RALYL: variants seen among roughly 807,000 people sequenced by gnomAD.
RALYL encodes the protein RALY RNA binding protein like.
Under a neutral mutation model 35.1 loss-of-function variants are expected in RALYL, and 29 were observed. The ratio of observed to expected loss-of-function variants is 0.83; its 90% CI spans 0.61 to 1.13. RALYL has a LOEUF of 1.13. Among genes scored for constraint, RALYL ranks in the 50% most tolerant of loss-of-function variants. RALYL has a pLI of 0.00. For synonymous variants in RALYL, 120 were observed against 127.6 expected, an observed-to-expected ratio of 0.94 and a Z score of 0.40; for missense variants, 359 against 360.4, an observed-to-expected ratio of 1.00 and a Z score of 0.03.
chr8:84,713,089 TG>T (rs1243229980), intron 2 of RALYL, among the ~76,000 whole-genome samples: 2 of 152,138 alleles, frequency 1.3e-5, no homozygotes, highest in East Asian at 3.8e-4. Flanking sequence ...GTTTCATACT[TG>T]TAGGTCTCAT....
intron 1 of RALYL, among the ~76,000 whole-genome samples, chr8:84,242,541 T>C (rs530637038): frequency 1.6e-4 from 25 of 152,318 alleles, no homozygotes; most frequent in African/African-American, 5.0e-4. Flanking sequence ...TCATTCTGAC[T>C]GCTGTGAGAT....
chr8:84,631,100 C>A (rs1823817916), intron 2 of RALYL, among the ~76,000 whole-genome samples: 2 of 151,888 alleles, frequency 1.3e-5, no homozygotes, highest in Non-Finnish European at 2.9e-5. Flanking sequence ...AGTCCCAAAC[C>A]CTATTTCATG....
chr8:84,645,094 A>C (rs1378963033), intron 2 of RALYL, among the ~76,000 whole-genome samples: 1 of 152,030 alleles, frequency 6.6e-6, no homozygotes, highest in Non-Finnish European at 1.5e-5. Flanking sequence ...TTTGCTTTAT[A>C]AGCCAAATTG....
At chr8:84,699,443 G>C (rs1418653467) in intron 2 of RALYL, among the ~76,000 whole-genome samples, 1 of 152,068 alleles carries the variant, frequency 6.6e-6, no homozygotes, top group Non-Finnish European at 1.5e-5. Flanking sequence ...CTAAAGGCTG[G>C]GAAATCTAAG....
intron 2 of RALYL, among the ~76,000 whole-genome samples, chr8:84,621,338 G>C (rs141565979): frequency 1.3e-5 from 2 of 152,134 alleles, no homozygotes; most frequent in Admixed American, 6.5e-5. Context: ...CGCAGTATTC[G>C]GGTGGGAGCC....
chr8:84,438,352 G>A (rs2047960386), intron 1 of RALYL, among the ~76,000 whole-genome samples: 1 of 151,384 alleles, frequency 6.6e-6, no homozygotes. Context: ...CCAGGATTGT[G>A]TTTTCTAGGT....
chr8:84,742,043 A>G (rs903281729), intron 2 of RALYL, among the ~76,000 whole-genome samples: 1 of 151,936 alleles, frequency 6.6e-6, no homozygotes, highest in Non-Finnish European at 1.5e-5. Flanking sequence ...GATACAAAAG[A>G]AAAGTTTGTG....
At chr8:84,366,329 GA>G (rs1563797939) in intron 1 of RALYL, among the ~76,000 whole-genome samples, 1 of 152,154 alleles carries the variant, frequency 6.6e-6, no homozygotes, top group Non-Finnish European at 1.5e-5. Flanking sequence ...GCAAAACAAA[GA>G]TTGAGAAATG....
At chr8:84,184,962 G>C (rs748830884) in intron 1 of RALYL, 37 of 1,613,296 alleles carry the variant, frequency 2.3e-5, no homozygotes, top group Non-Finnish European at 3.1e-5. Flanking sequence ...GATGGCACCG[G>C]CCCTCGCACG....
intron 1 of RALYL, among the ~76,000 whole-genome samples, chr8:84,512,467 C>T (rs2057703451): frequency 6.6e-6 from 1 of 151,928 alleles, no homozygotes; most frequent in Non-Finnish European, 1.5e-5. Context: ...CAGATTTTAT[C>T]CCATTCAACA....
At chr8:84,443,303 A>C (rs955902401) in intron 1 of RALYL, among the ~76,000 whole-genome samples, 1 of 152,074 alleles carries the variant, frequency 6.6e-6, no homozygotes, top group East Asian at 1.9e-4. Flanking sequence ...TACCTCTGTA[A>C]CTGTTTGGAT....
intron 4 of RALYL, among the ~76,000 whole-genome samples, chr8:84,806,565 C>CAAAAAAAAAAAAAAAAAAAAAAAAAA (rs534568702): frequency 1.0e-5 from 1 of 95,732 alleles, no homozygotes. Flanking sequence ...AAAATCTCTC[C>CAAAAAAAAAAAAAAAAAAAAAAAAAA]AAAAAAAAAA....
intron 1 of RALYL, among the ~76,000 whole-genome samples, chr8:84,390,156 A>G (rs1043904105): frequency 1.4e-4 from 22 of 152,046 alleles, no homozygotes; most frequent in Non-Finnish European, 4.4e-5. Flanking sequence ...ATTGATTTGC[A>G]TATATTGAAC....
chr8:84,505,108 A>G (rs1461098242), intron 1 of RALYL, among the ~76,000 whole-genome samples: 2 of 152,114 alleles, frequency 1.3e-5, no homozygotes. Flanking sequence ...GTCAGATGCC[A>G]TGAGTGCACG....
intron 2 of RALYL, among the ~76,000 whole-genome samples, chr8:84,696,251 TA>T (rs918899934): frequency 5.9e-4 from 85 of 144,622 alleles, no homozygotes; most frequent in South Asian, 3.5e-3. Flanking sequence ...TGTTAAAATT[TA>T]AAAAAAAAAA....
chr8:84,892,619 AAAAAAAAAC>A (rs1844058993), intron 8 of RALYL, among the ~76,000 whole-genome samples: 1 of 151,764 alleles, frequency 6.6e-6, no homozygotes, highest in Non-Finnish European at 1.5e-5. Context: ...TTAAAAAAAA[AAAAAAAAAC>A]CAACATGGCA....
intron 1 of RALYL, among the ~76,000 whole-genome samples, chr8:84,278,102 G>A (rs1298424574): frequency 6.6e-6 from 1 of 152,248 alleles, no homozygotes; most frequent in Non-Finnish European, 1.5e-5. Context: ...TGCCCCTGCA[G>A]CAAACTTCTG....
chr8:84,725,852 T>A (rs976223373), intron 2 of RALYL, among the ~76,000 whole-genome samples: 1 of 151,722 alleles, frequency 6.6e-6, no homozygotes, highest in Non-Finnish European at 1.5e-5. Context: ...TTATGGATAT[T>A]TTTCTGGATG....
intron 1 of RALYL, among the ~76,000 whole-genome samples, chr8:84,385,695 C>T (rs1186917570): frequency 1.3e-5 from 2 of 151,832 alleles, no homozygotes; most frequent in South Asian, 2.1e-4. Flanking sequence ...CATAGGTTTA[C>T]GAATTACCTT....
Sources: gnomAD v4.1 joint callset for allele counts (sites outside exome capture counted in the v4.1 genomes callset) on GRCh38, gnomAD v4.1.1 for gene constraint, MANE v1.5 for transcripts, NCBI Gene and HGNC (gene_info 2026-07-23, HGNC 2026-07-21) for gene names.